TEKTIP1: variants seen among roughly 807,000 people sequenced by gnomAD.
The protein encoded by TEKTIP1 is tektin bundle interacting protein 1, also known as tektin bundle-interacting protein 1.
the TEKTIP1 span, chr19:3,543,478 GT>G: frequency 2.0e-6 from 3 of 1,505,302 alleles, no homozygotes; most frequent in Non-Finnish European, 2.7e-6. Flanking sequence ...CATCGGGTGA[GT>G]GCCCCCCCCC....
chr19:3,541,198 T>C, the TEKTIP1 span, among the ~76,000 whole-genome samples: 2 of 143,930 alleles, frequency 1.4e-5, no homozygotes, highest in Non-Finnish European at 3.0e-5. Flanking sequence ...CAACCAGGCA[T>C]GGCGGCACGT....
At chr19:3,539,562 C>G in the TEKTIP1 span, 2 of 389,334 alleles carry the variant, frequency 5.1e-6, no homozygotes, top group Non-Finnish European at 9.4e-6. Context: ...CAGGCCTGTG[C>G]GGGGCTGGGC....
chr19:3,543,535 C>T, the TEKTIP1 span: 1 of 1,515,898 alleles, frequency 6.6e-7, no homozygotes, highest in Non-Finnish European at 8.8e-7. Flanking sequence ...GAATGACCGC[C>T]AGCCCCCGCC....
the TEKTIP1 span, chr19:3,542,725 C>T: frequency 1.1e-5 from 14 of 1,307,142 alleles, no homozygotes; most frequent in Admixed American, 3.0e-4. Flanking sequence ...TCAAGTGATC[C>T]ACCTGCCTCA....
At chr19:3,543,649 G>A in the TEKTIP1 span, 2 of 1,543,696 alleles carry the variant, frequency 1.3e-6, no homozygotes, top group Non-Finnish European at 1.7e-6. Flanking sequence ...GCGCGCTGTG[G>A]AAAGACAGGC....
chr19:3,541,737 G>A, the TEKTIP1 span: 1 of 985,278 alleles, frequency 1.0e-6, no homozygotes, highest in African/African-American at 1.7e-5. Context: ...ACACCAGAAA[G>A]TAGTGAGTGG....
At chr19:3,541,773 G>A in the TEKTIP1 span, 4 of 985,330 alleles carry the variant, frequency 4.1e-6, no homozygotes, top group Non-Finnish European at 3.6e-6. Context: ...CCGACAGCAG[G>A]GGTGAGGGGC....
chr19:3,543,780 C>G, the TEKTIP1 span: 16 of 1,491,696 alleles, frequency 1.1e-5, no homozygotes, highest in Non-Finnish European at 1.4e-5. Context: ...CCCTTGCTGG[C>G]CAACGGCGAG....
At chr19:3,539,545 T>C in the TEKTIP1 span, 1 of 468,770 alleles carries the variant, frequency 2.1e-6, no homozygotes, top group South Asian at 3.5e-5. Flanking sequence ...GTTCGCCCTC[T>C]GAAATCCAGG....
At chr19:3,543,621 C>T in the TEKTIP1 span, 231 of 1,544,676 alleles carry the variant, frequency 1.5e-4, no homozygotes, top group Non-Finnish European at 2.0e-4. Context: ...TACCAGGCCC[C>T]CAGCACCCGG....
chr19:3,540,546 G>A, the TEKTIP1 span, among the ~76,000 whole-genome samples: 3 of 150,876 alleles, frequency 2.0e-5, no homozygotes, highest in African/African-American at 4.9e-5. Flanking sequence ...GTGAGGCACC[G>A]CGCCTAGCTG....
At chr19:3,540,626 T>G in the TEKTIP1 span, among the ~76,000 whole-genome samples, 1 of 151,410 alleles carries the variant, frequency 6.6e-6, no homozygotes, top group Non-Finnish European at 1.5e-5. Flanking sequence ...ACGCCTGTAA[T>G]TCCAGCACTT....
At chr19:3,541,733 G>A in the TEKTIP1 span, 1 of 985,438 alleles carries the variant, frequency 1.0e-6, no homozygotes, top group Non-Finnish European at 1.2e-6. Context: ...GGAAACACCA[G>A]AAAGTAGTGA....
chr19:3,541,577 T>A, the TEKTIP1 span: 1 of 856,626 alleles, frequency 1.2e-6, no homozygotes, highest in East Asian at 1.2e-4. Flanking sequence ...TGCCTCGGCC[T>A]CCCACAGTGC....
chr19:3,539,243 C>A, the TEKTIP1 span: 1 of 1,549,224 alleles, frequency 6.5e-7, no homozygotes, highest in Non-Finnish European at 8.7e-7. Context: ...AGGCCAGCTT[C>A]CCAGCACCGC....
the TEKTIP1 span, chr19:3,539,218 C>T: frequency 6.4e-7 from 1 of 1,550,810 alleles, no homozygotes. Context: ...CCCTGTATCC[C>T]CTCGGGGACC....
At chr19:3,541,029 TGTG>T in the TEKTIP1 span, among the ~76,000 whole-genome samples, 2 of 129,292 alleles carry the variant, frequency 1.5e-5, no homozygotes, top group Non-Finnish European at 3.3e-5. Flanking sequence ...ATTAGCTGGT[TGTG>T]GTGGCGGGCG....
chr19:3,540,503 T>A, the TEKTIP1 span, among the ~76,000 whole-genome samples: 18 of 150,692 alleles, frequency 1.2e-4, no homozygotes, highest in Admixed American at 1.3e-4. Context: ...TGATCTGCCC[T>A]CCTTGGCCTC....
the TEKTIP1 span, chr19:3,543,486 C>T: frequency 1.3e-6 from 2 of 1,518,324 alleles, no homozygotes; most frequent in Non-Finnish European, 1.8e-6. Flanking sequence ...GAGTGCCCCC[C>T]CCCCCGCCCT....
Sources: gnomAD v4.1 joint callset for allele counts (sites outside exome capture counted in the v4.1 genomes callset) on GRCh38, gnomAD v4.1.1 for gene constraint, MANE v1.5 for transcripts, NCBI Gene and HGNC (gene_info 2026-07-23, HGNC 2026-07-21) for gene names.